Variants in DHRSX observed in about 807,000 individuals in gnomAD.
DHRSX encodes dehydrogenase/reductase X-linked, also known as polyprenol dehydrogenase.
Under a neutral mutation model 34.0 loss-of-function variants are expected in DHRSX, and 31 were observed. That is an observed-to-expected ratio of 0.91 (90% CI 0.69 to 1.23). DHRSX has a LOEUF of 1.23. Ranked by LOEUF, DHRSX falls within the 50% of genes most tolerant of loss-of-function variation. The pLI is 0.00. For missense variants in DHRSX, 414 were observed against 428.1 expected (o/e 0.97, Z 0.29); for synonymous variants, 201 against 183.8 (o/e 1.09, Z -0.76).
chrX:2,465,284 G>A (rs1569504027), intron 1 of DHRSX, among the ~76,000 whole-genome samples: 1 of 152,144 alleles, frequency 6.6e-6, no homozygotes, highest in Non-Finnish European at 1.5e-5. Context: ...AACCCAGCTA[G>A]GTGAGCCACG....
At chrX:2,242,706 C>T (rs2016168841) in intron 6 of DHRSX, among the ~76,000 whole-genome samples, 1 of 152,102 alleles carries the variant, frequency 6.6e-6, no homozygotes, top group Non-Finnish European at 1.5e-5. Context: ...TTACAAATGC[C>T]ACGGCAATGT....
chrX:2,425,225 C>T lies in DHRSX; in HGVS notation c.189G>A (p.Leu63=). 7 of 1,613,848 alleles carry T rather than the reference C, an allele frequency of 4.3e-6. No individual in the cohort carries two copies. The highest frequency in any genetic ancestry group is 5.9e-6 in the Non-Finnish European group (7 of 1,179,808). Reference sequence around the variant, plus strand: ...TGATAACATGCATGCCAAGTCTCGCCAGATGCTTCGCTGTAGAATAGCCAA... The same window carrying T: ...TGATAACATGCATGCCAAGTCTCGCTAGATGCTTCGCTGTAGAATAGCCAA... ...DGIGYSTAKH[L]ARLGMHVIIA... The change falls in exon 2 of 7, where the codon CTG becomes CTA. Residue 63 remains leucine (L), a synonymous_variant. Transcript: ENST00000334651.
intron 3 of DHRSX, among the ~76,000 whole-genome samples, chrX:2,329,406 G>C (rs987500494): frequency 6.6e-6 from 1 of 152,132 alleles, no homozygotes; most frequent in African/African-American, 2.4e-5. Context: ...CAGCTCTCCA[G>C]CTCCAGCAGC....
At chrX:2,322,965 C>A (rs1200964666) in intron 3 of DHRSX, among the ~76,000 whole-genome samples, 1 of 151,586 alleles carries the variant, frequency 6.6e-6, no homozygotes, top group Non-Finnish European at 1.5e-5. Context: ...GCTCTGTCGC[C>A]CAGGCTGGAG....
intron 3 of DHRSX, among the ~76,000 whole-genome samples, chrX:2,364,695 TTATC>T (rs1180093198): frequency 1.4e-5 from 2 of 147,864 alleles, no homozygotes; most frequent in African/African-American, 2.4e-5. Flanking sequence ...CTACCATCAT[TTATC>T]TATTTACCAT....
At chrX:2,386,000 T>C (rs1011729508) in intron 3 of DHRSX, among the ~76,000 whole-genome samples, 6 of 151,982 alleles carry the variant, frequency 3.9e-5, no homozygotes, top group Middle Eastern at 3.2e-3. Context: ...GCAAAAACAG[T>C]CACAGGCAAT....
intron 3 of DHRSX, among the ~76,000 whole-genome samples, chrX:2,317,705 T>C (rs2042257611): frequency 6.6e-6 from 1 of 152,134 alleles, no homozygotes; most frequent in African/African-American, 2.4e-5. Context: ...ACTCTCTGAA[T>C]ACACATTTTA....
chrX:2,265,916 G>A (rs1223002958), intron 5 of DHRSX, among the ~76,000 whole-genome samples: 3 of 140,698 alleles, frequency 2.1e-5, no homozygotes, highest in African/African-American at 5.5e-5. Context: ...CAGAGCACCA[G>A]TGCTCGGCAG....
At chrX:2,472,887 G>A (rs2044615194) in intron 1 of DHRSX, among the ~76,000 whole-genome samples, 1 of 152,052 alleles carries the variant, frequency 6.6e-6, no homozygotes, top group South Asian at 2.1e-4. Context: ...ATTTCCAAAG[G>A]CAGGACTTCA....
At chrX:2,475,114 C>A (rs1429227963) in intron 1 of DHRSX, among the ~76,000 whole-genome samples, 2 of 133,580 alleles carry the variant, frequency 1.5e-5, no homozygotes, top group South Asian at 2.2e-4. Flanking sequence ...CCTAAGAATG[C>A]AACCAAGGGA....
intron 3 of DHRSX, among the ~76,000 whole-genome samples, chrX:2,395,537 T>G (rs1482810551): frequency 6.6e-6 from 1 of 152,106 alleles, no homozygotes; most frequent in Non-Finnish European, 1.5e-5. Context: ...CTTGGAAACA[T>G]GTAGCGCCTC....
intron 1 of DHRSX, 29 bp downstream of exon 1, chrX:2,500,788 A>C: frequency 1.2e-6 from 1 of 802,870 alleles, no homozygotes; most frequent in South Asian, 5.8e-5. Context: ...GGGTCCCCGG[A>C]GCCCTGACCC....
chrX:2,325,514 C>G lies in DHRSX; in HGVS notation c.287-33911G>C, dbSNP rs751931509. Among the ~76,000 whole-genome samples, 4 of 152,318 alleles carry G rather than the reference C, an allele frequency of 2.6e-5. No individual in the cohort carries two copies. In the South Asian group the frequency reaches 6.2e-4, roughly 24 times the overall value. ...TCAGCCACATGTAAAGTAAGAAAAA[C>G]AGGACCGAGAGCCCCGACCAACTAC... On this transcript the variant is annotated intron_variant, in intron 3 of 6. Coordinates refer to ENST00000334651, the MANE Select transcript of DHRSX (RefSeq NM_145177.3).
At chrX:2,243,610 C>A (rs1284751841) in intron 5 of DHRSX, among the ~76,000 whole-genome samples, 2 of 151,802 alleles carry the variant, frequency 1.3e-5, no homozygotes, top group East Asian at 3.9e-4. Flanking sequence ...CCTCAGCCTC[C>A]CCAGTAGCTG....
chrX:2,329,752 G>C (rs73187651), intron 3 of DHRSX, among the ~76,000 whole-genome samples: 38,269 of 151,776 alleles, frequency 0.25, 5,645 homozygotes, highest in African/African-American at 0.4. Flanking sequence ...ATCCTAGCCC[G>C]CAGGAAAGCT....
chrX:2,346,256 G>C (rs768835323), intron 3 of DHRSX, among the ~76,000 whole-genome samples: 837 of 5,896 alleles, frequency 0.14, 2 homozygotes, highest in Non-Finnish European at 0.45. Flanking sequence ...TGACATGCCC[G>C]AGTTGTTATG....
At chrX:2,490,241 TA>T (rs2045097154) in intron 1 of DHRSX, 1 of 1,613,798 alleles carries the variant, frequency 6.2e-7, no homozygotes, top group African/African-American at 1.3e-5. Context: ...GGGCAGCTCA[TA>T]CCGGGGGTCG....
chrX:2,263,609 G>T (rs1193535366), intron 5 of DHRSX, among the ~76,000 whole-genome samples: 1 of 151,560 alleles, frequency 6.6e-6, no homozygotes, highest in East Asian at 1.9e-4. Flanking sequence ...CGCCTCCCGG[G>T]TTCAAGCGAT....
rs1302665405 is a variant in DHRSX at position 2,429,498 on chromosome X, A to G, written c.110-4194T>C. On this transcript the variant is annotated intron_variant, in intron 1 of 6. Coordinates refer to ENST00000334651, the MANE Select transcript of DHRSX (RefSeq NM_145177.3). The stretch of plus-strand genomic sequence containing the variant: ...GGTCTTACTACATTGCCCAGGCTGC[A>G]GTGCAGTGGTGCAATCATGGCTCGC... Among the ~76,000 whole-genome samples the G allele has an allele frequency of 3.3e-5, 5 of 151,104 alleles. No homozygotes were observed. The East Asian group carries it at 9.7e-4, about 29-fold the overall frequency.
Sources: gnomAD v4.1 joint callset for allele counts (sites outside exome capture counted in the v4.1 genomes callset) on GRCh38, gnomAD v4.1.1 for gene constraint, MANE v1.5 for transcripts, NCBI Gene and HGNC (gene_info 2026-07-23, HGNC 2026-07-21) for gene names.